The following PLCL1 variants were observed in gnomAD, a reference collection of about 807,000 sequenced individuals.
PLCL1 encodes phospholipase C like 1 (inactive), also known as inactive phospholipase C-like protein 1.
Under a neutral mutation model 84.4 loss-of-function variants are expected in PLCL1, and 41 were observed. The observed-to-expected ratio is 0.49, with a 90% CI of 0.38 to 0.63. The LOEUF (loss-of-function observed/expected upper bound fraction) is 0.63, where lower values mean the gene tolerates loss of function less well. Ranked by LOEUF, PLCL1 falls within the 30% of genes least tolerant of loss-of-function variation. PLCL1 has a pLI of 0.00. For missense variants in PLCL1, 1,206 were observed against 1,367.8 expected, an observed-to-expected ratio of 0.88 and a Z score of 1.87; for synonymous variants, 490 against 488.3, an observed-to-expected ratio of 1.00 and a Z score of -0.05.
intron 1 of PLCL1, among the ~76,000 whole-genome samples, chr2:197,826,010 C>A (rs1332365907): frequency 6.6e-6 from 1 of 152,112 alleles, no homozygotes; most frequent in African/African-American, 2.4e-5. Context: ...CGGTAATTCA[C>A]TACATAATTT....
At chr2:197,865,498 G>A (rs1451122848) in intron 1 of PLCL1, among the ~76,000 whole-genome samples, 1 of 152,094 alleles carries the variant, frequency 6.6e-6, no homozygotes, top group Non-Finnish European at 1.5e-5. Flanking sequence ...GAAGGGGCAG[G>A]GGAGATCAGG....
intron 1 of PLCL1, among the ~76,000 whole-genome samples, chr2:197,980,770 T>C (rs1383667258): frequency 6.6e-6 from 1 of 152,152 alleles, no homozygotes; most frequent in Non-Finnish European, 1.5e-5. Context: ...GGAGTTCTTA[T>C]TATGTGTCAG....
chr2:197,918,448 A>G (rs1559044626), intron 1 of PLCL1, among the ~76,000 whole-genome samples: 1 of 152,342 alleles, frequency 6.6e-6, no homozygotes, highest in South Asian at 2.1e-4. Context: ...TATATCAGTA[A>G]TAGTTCATTA....
intron 1 of PLCL1, among the ~76,000 whole-genome samples, chr2:197,844,987 T>G (rs1186645652): frequency 6.6e-6 from 1 of 152,130 alleles, no homozygotes; most frequent in Non-Finnish European, 1.5e-5. Flanking sequence ...ATATTATTTA[T>G]ATATATTAGT....
intron 1 of PLCL1, among the ~76,000 whole-genome samples, chr2:198,009,379 C>A (rs919944073): frequency 4.6e-5 from 7 of 151,894 alleles, no homozygotes; most frequent in Admixed American, 1.3e-4. Context: ...AAGGCAAGGG[C>A]CCAAATTCAC....
chr2:198,011,082 C>T (rs892027504), intron 1 of PLCL1, among the ~76,000 whole-genome samples: 2 of 151,688 alleles, frequency 1.3e-5, no homozygotes, highest in Non-Finnish European at 2.9e-5. Flanking sequence ...CCCTTGGAGT[C>T]ACTGATTGTT....
intron 1 of PLCL1, among the ~76,000 whole-genome samples, chr2:198,077,479 G>C (rs1274561624): frequency 6.6e-6 from 1 of 152,060 alleles, no homozygotes; most frequent in Non-Finnish European, 1.5e-5. Flanking sequence ...CTTGGCTTCT[G>C]TGGAAGCTCA....
intron 1 of PLCL1, among the ~76,000 whole-genome samples, chr2:198,078,748 T>C (rs887733533): frequency 1.2e-4 from 19 of 152,238 alleles, no homozygotes; most frequent in African/African-American, 4.6e-4. Flanking sequence ...AAAAAGTATA[T>C]GTGATGATAT....
intron 1 of PLCL1, among the ~76,000 whole-genome samples, chr2:197,867,134 C>T (rs74517926): frequency 6.6e-6 from 1 of 152,114 alleles, no homozygotes; most frequent in Non-Finnish European, 1.5e-5. Flanking sequence ...TCCAATGTCA[C>T]ATTGCTTTGG....
intron 1 of PLCL1, among the ~76,000 whole-genome samples, chr2:197,833,733 A>G (rs916222615): frequency 6.6e-6 from 1 of 152,248 alleles, no homozygotes; most frequent in Non-Finnish European, 1.5e-5. Flanking sequence ...GAAAATGGCC[A>G]TACTGCCCAA....
intron 1 of PLCL1, among the ~76,000 whole-genome samples, chr2:197,973,738 G>A (rs1018643384): frequency 2.6e-5 from 4 of 152,202 alleles, no homozygotes; most frequent in Admixed American, 2.6e-4. Context: ...GACAGGAGTT[G>A]AGGTCAGGGA....
At chr2:197,861,277 A>G (rs762324663) in intron 1 of PLCL1, among the ~76,000 whole-genome samples, 6 of 152,190 alleles carry the variant, frequency 3.9e-5, no homozygotes, top group Non-Finnish European at 7.3e-5. Flanking sequence ...TACCTACATA[A>G]TGAAGCCTCC....
chr2:198,064,229 T>A (rs1692273385), intron 1 of PLCL1, among the ~76,000 whole-genome samples: 1 of 152,114 alleles, frequency 6.6e-6, no homozygotes, highest in Non-Finnish European at 1.5e-5. Context: ...AAGTCCCTAG[T>A]CCTCCAAGTT....
At chr2:198,114,568 G>A (rs1027032092) in intron 5 of PLCL1, among the ~76,000 whole-genome samples, 3 of 151,816 alleles carry the variant, frequency 2.0e-5, no homozygotes, top group Non-Finnish European at 1.5e-5. Flanking sequence ...TAGCTTAAGT[G>A]AGTTTGATGT....
intron 1 of PLCL1, among the ~76,000 whole-genome samples, chr2:197,810,527 TTTTTACAATGGAGAA>T (rs1690563123): frequency 6.6e-6 from 1 of 152,208 alleles, no homozygotes; most frequent in South Asian, 2.1e-4. Flanking sequence ...AACCTTTCCC[TTTTTACAATGGAGAA>T]AACAGGTAAT....
intron 1 of PLCL1, among the ~76,000 whole-genome samples, chr2:197,939,912 C>T (rs547849113): frequency 1.3e-5 from 2 of 150,510 alleles, no homozygotes; most frequent in East Asian, 1.9e-4. Context: ...ACTTAAACAA[C>T]CCCCAAAAAC....
intron 1 of PLCL1, among the ~76,000 whole-genome samples, chr2:198,026,958 G>A (rs1472898451): frequency 6.6e-6 from 1 of 152,090 alleles, no homozygotes; most frequent in Non-Finnish European, 1.5e-5. Flanking sequence ...ATAGTATGGA[G>A]AGTTCTCAAA....
chr2:197,986,904 T>A (rs1302445626), intron 1 of PLCL1, among the ~76,000 whole-genome samples: 1 of 152,124 alleles, frequency 6.6e-6, no homozygotes, highest in Non-Finnish European at 1.5e-5. Flanking sequence ...GCTAGAAGGG[T>A]TGGAATCATC....
At chr2:198,144,127 C>T (rs1031982166) in intron 5 of PLCL1, among the ~76,000 whole-genome samples, 5 of 152,080 alleles carry the variant, frequency 3.3e-5, no homozygotes, top group Admixed American at 2.6e-4. Flanking sequence ...ATGTTTCATG[C>T]CATGCTGTGG....
Sources: gnomAD v4.1 joint callset for allele counts (sites outside exome capture counted in the v4.1 genomes callset) on GRCh38, gnomAD v4.1.1 for gene constraint, MANE v1.5 for transcripts, NCBI Gene and HGNC (gene_info 2026-07-23, HGNC 2026-07-21) for gene names.